The following MYO16 variants were observed in gnomAD, a reference collection of about 807,000 sequenced individuals.
The protein encoded by MYO16 is myosin XVI.
MYO16 carries 94 observed loss-of-function variants against 205.3 expected under a neutral mutation model. The ratio of observed to expected loss-of-function variants is 0.46; its 90% CI spans 0.39 to 0.54. The LOEUF (loss-of-function observed/expected upper bound fraction) is 0.54, where lower values mean the gene tolerates loss of function less well. MYO16 is among the 20% of genes least tolerant of loss of function. The probability of loss-of-function intolerance (pLI) is 0.00; values close to 1 mark genes in which losing one functional copy is unlikely to be tolerated. For synonymous variants in MYO16, 988 were observed against 954.0 expected (o/e 1.04, Z -0.66); for missense variants, 2,315 against 2,387.5 (o/e 0.97, Z 0.63).
At chr13:108,556,254 C>T in the MYO16 span, among the ~76,000 whole-genome samples, 1 of 151,918 alleles carries the variant, frequency 6.6e-6, no homozygotes, top group African/African-American at 2.4e-5. Flanking sequence ...TTTGTATTCC[C>T]ACCAACAGTG....
chr13:109,204,898 A>G (rs887084203), intron 34 of MYO16, among the ~76,000 whole-genome samples: 2 of 152,132 alleles, frequency 1.3e-5, no homozygotes, highest in Non-Finnish European at 2.9e-5. Context: ...ACGTGTAGCC[A>G]AAGTGTTCAC....
At chr13:108,878,869 A>G (rs1368954693) in intron 12 of MYO16, among the ~76,000 whole-genome samples, 1 of 152,228 alleles carries the variant, frequency 6.6e-6, no homozygotes, top group Non-Finnish European at 1.5e-5. Context: ...TCCTGCGAGC[A>G]GGATTAGGGA....
At chr13:109,133,885 G>T (rs946068542) in intron 31 of MYO16, among the ~76,000 whole-genome samples, 4 of 152,082 alleles carry the variant, frequency 2.6e-5, no homozygotes, top group Non-Finnish European at 5.9e-5. Context: ...TGTTAACTGT[G>T]GTTTTCTAAT....
At chr13:108,757,943 T>C (rs1885476613) in intron 4 of MYO16, among the ~76,000 whole-genome samples, 1 of 152,152 alleles carries the variant, frequency 6.6e-6, no homozygotes, top group African/African-American at 2.4e-5. Flanking sequence ...TAAAAATTCA[T>C]AGGTTGCAAT....
rs560783777 is a variant in MYO16 at position 109,140,248 on chromosome 13, T to A, written c.4052-16T>A. 6.3e-7 allele frequency: 1 copy of A among 1,597,304 alleles called. No homozygotes were observed. Among genetic ancestry groups the A allele is most frequent in the East Asian group, 2.2e-5 (1 of 44,564 alleles). On this transcript the variant is annotated splice_polypyrimidine_tract_variant and intron_variant, in intron 31 of 34. Transcript: ENST00000457511. The surrounding 1 kb of genome is among the most constrained non-coding windows in gnomAD (Gnocchi z 8.0). ...CCTGGCCTGGCACCCACTGACCGCG[T>A]CCTTTCCTGCCGCAGCTCTGGCCCG... is the stretch of plus-strand genomic sequence containing the variant.
chr13:109,194,291 G>A (rs926423712), intron 34 of MYO16, among the ~76,000 whole-genome samples: 2 of 151,978 alleles, frequency 1.3e-5, no homozygotes, highest in African/African-American at 4.8e-5. Context: ...AAACTTTTTT[G>A]GAAGGCAATG....
intron 4 of MYO16, among the ~76,000 whole-genome samples, chr13:108,773,354 G>T (rs1318388660): frequency 6.6e-6 from 1 of 152,166 alleles, no homozygotes; most frequent in Non-Finnish European, 1.5e-5. Context: ...TCAAACAATA[G>T]AAATTTATTC....
chr13:109,002,730 T>C (rs1056726077), intron 21 of MYO16, among the ~76,000 whole-genome samples: 1 of 152,204 alleles, frequency 6.6e-6, no homozygotes, highest in Non-Finnish European at 1.5e-5. Context: ...TGCTTCTAGG[T>C]ATACGAACTA....
intron 34 of MYO16, among the ~76,000 whole-genome samples, chr13:109,199,797 T>C: frequency 6.6e-6 from 1 of 152,206 alleles, no homozygotes; most frequent in South Asian, 2.1e-4. Context: ...ATATTTAATT[T>C]ACTGTGAATA....
At chr13:108,653,263 G>A (rs931974453) in intron 1 of MYO16, among the ~76,000 whole-genome samples, 2 of 152,112 alleles carry the variant, frequency 1.3e-5, no homozygotes, top group African/African-American at 2.4e-5. Flanking sequence ...AGTTCTAAGA[G>A]TTCTTTATGT....
At chr13:108,524,712 A>C in the MYO16 span, among the ~76,000 whole-genome samples, 1 of 152,122 alleles carries the variant, frequency 6.6e-6, no homozygotes, top group African/African-American at 2.4e-5. Flanking sequence ...ATCATTCTCC[A>C]CTATGAAAAA....
intron 21 of MYO16, among the ~76,000 whole-genome samples, chr13:109,003,102 T>C (rs909417273): frequency 6.6e-6 from 1 of 152,138 alleles, no homozygotes; most frequent in Non-Finnish European, 1.5e-5. Context: ...ACCAAAATTA[T>C]TTTGAAAAAA....
At chr13:108,727,328 C>A in intron 3 of MYO16, 112 bp from the exon 4 acceptor site, 2 of 1,129,912 alleles carry the variant, frequency 1.8e-6, no homozygotes, top group Non-Finnish European at 2.5e-6. Flanking sequence ...TTAGCTTCAC[C>A]TCTCAACTCC....
chr13:108,695,303 GGAACCCTTGTTGAAAATCTGTT>G (rs1406127670), intron 2 of MYO16, among the ~76,000 whole-genome samples: 1 of 152,104 alleles, frequency 6.6e-6, no homozygotes. Context: ...GAATGATCTT[GGAACCCTTGTTGAAAATCTGTT>G]GAACATTGAT....
intron 23 of MYO16, among the ~76,000 whole-genome samples, chr13:109,022,672 A>G (rs1886111111): frequency 1.6e-5 from 1 of 62,848 alleles, no homozygotes. Flanking sequence ...TATATATTAT[A>G]TATACACATA....
At chr13:108,524,390 G>A in the MYO16 span, among the ~76,000 whole-genome samples, 34 of 152,050 alleles carry the variant, frequency 2.2e-4, no homozygotes, top group South Asian at 6.5e-3. Flanking sequence ...TTCTGTTTTC[G>A]CCATGTGAAT....
At chr13:108,630,813 A>T (rs1035782614) in intron 1 of MYO16, among the ~76,000 whole-genome samples, 8 of 152,246 alleles carry the variant, frequency 5.3e-5, no homozygotes, top group African/African-American at 1.9e-4. Context: ...GACTAAAAAA[A>T]TAATGATGAT....
intron 27 of MYO16, among the ~76,000 whole-genome samples, chr13:109,094,903 T>C (rs1566503268): frequency 1.3e-5 from 2 of 151,020 alleles, no homozygotes; most frequent in East Asian, 1.9e-4. Flanking sequence ...CTATCACTGA[T>C]GGGCATTTGG....
intron 29 of MYO16, among the ~76,000 whole-genome samples, chr13:109,124,850 C>T (rs1270599617): frequency 6.6e-6 from 1 of 152,184 alleles, no homozygotes; most frequent in African/African-American, 2.4e-5. Context: ...ACTGATTTAA[C>T]TCCAGTCCAT....
Sources: gnomAD v4.1 joint callset for allele counts (sites outside exome capture counted in the v4.1 genomes callset) on GRCh38, gnomAD v4.1.1 for gene constraint, Gnocchi (gnomAD v3.1) non-coding constraint, MANE v1.5 for transcripts, NCBI Gene and HGNC (gene_info 2026-07-23, HGNC 2026-07-21) for gene names.